CFH: variants seen among roughly 807,000 people sequenced by gnomAD.
CFH encodes complement factor H, also known as H factor 1 (complement).
CFH carries 53 observed loss-of-function variants against 147.3 expected under a neutral mutation model. The ratio of observed to expected loss-of-function variants is 0.36; its 90% CI spans 0.29 to 0.45. The LOEUF is 0.45. CFH is among the 20% of genes least tolerant of loss of function. The probability of loss-of-function intolerance (pLI) is 1.00; values close to 1 mark genes in which losing one functional copy is unlikely to be tolerated. For synonymous variants in CFH, 536 were observed against 489.4 expected, an observed-to-expected ratio of 1.10 and a Z score of -1.26; for missense variants, 1,380 against 1,498.0, an observed-to-expected ratio of 0.92 and a Z score of 1.30.
At chr1:196,690,030 A>C (rs1667968573) in intron 8 of CFH, 33 bp from the exon 9 acceptor site, 1 of 1,563,700 alleles carries the variant, frequency 6.4e-7, no homozygotes, top group African/African-American at 1.4e-5. Flanking sequence ...TTTCTCATTT[A>C]CTTTATTTAT....
rs34594237 is a variant in CFH, at chr1:196,742,020, T to A, written c.3102T>A (p.Asn1034Lys). ...GAGCCAGTAATGTAACATGCATTAA[T>A]AGCAGATGGACAGGAAGGCCAACAT... ...MDGASNVTCI[N>K]SRWTGRPTCR... The change falls in exon 19 of 22, where the codon AAT (asparagine) becomes AAA (lysine). Residue 1034 changes from asparagine (N) to lysine (K), a missense_variant. Physicochemically the swap from Asn to Lys is moderately conservative, Grantham distance 94 (BLOSUM62 0). Coordinates refer to ENST00000367429, the MANE Select transcript of CFH (RefSeq NM_000186.4). The A allele has an allele frequency of 3.1e-6, 5 of 1,614,056 alleles. No homozygotes were observed.
chr1:196,682,770 T>G (rs1165960130), intron 6 of CFH, among the ~76,000 whole-genome samples: 2 of 151,722 alleles, frequency 1.3e-5, no homozygotes, highest in Non-Finnish European at 3.0e-5. Flanking sequence ...AATTTTAAAA[T>G]AGTAAAGCTT....
rs199705026 is a variant in CFH, at chr1:196,690,118, G to T, written c.1215G>T (p.Lys405Asn). 1 of 1,612,726 alleles carries T rather than the reference G, an allele frequency of 6.2e-7. No individual in the cohort carries two copies. Among genetic ancestry groups the T allele is most frequent in the Non-Finnish European group, 8.5e-7 (1 of 1,179,090 alleles). ...ENGYNQNHGR[K>N]FVQGKSIDVA... is the part of the protein sequence containing the mutation. ...GATATAATCAAAATCATGGAAGAAA[G>T]TTTGTACAGGGTAAATCTATAGACG... Residue 405 changes from lysine (K) to asparagine (N), a missense_variant, in exon 9 of 22, where the codon AAG becomes AAT. By Grantham distance (94) the Lys-to-Asn change is moderately conservative. Around this residue, in one of 4 missense-constraint regions of CFH, gnomAD observed 830 missense variants for 821.4 expected, o/e 1.01. Transcript: ENST00000367429.
At chr1:196,688,607 T>C (rs971557335) in intron 7 of CFH, among the ~76,000 whole-genome samples, 10 of 152,238 alleles carry the variant, frequency 6.6e-5, no homozygotes, top group South Asian at 6.2e-4. Context: ...CTAATTTATT[T>C]ATTTACTTAT....
chr1:196,721,753 T>C (rs1466868643), intron 11 of CFH, among the ~76,000 whole-genome samples: 1 of 151,984 alleles, frequency 6.6e-6, no homozygotes, highest in African/African-American at 2.4e-5. Flanking sequence ...TTTGAGTGCA[T>C]ATATATTTAG....
rs183021179 is a variant in CFH, at chr1:196,730,557, T to C, written c.2413+2035T>C. Among the ~76,000 whole-genome samples, 706 of 151,964 alleles carry C rather than the reference T, an allele frequency of 4.6e-3. 4 individuals carry two copies. Among genetic ancestry groups the C allele is most frequent in the African/African-American group, 0.016 (682 of 41,538 alleles). On this transcript the variant is annotated intron_variant, in intron 15 of 21. Coordinates refer to ENST00000367429, the MANE Select transcript of CFH (RefSeq NM_000186.4). ...TTGAGAAGAATATGTGTTTTTTTGT[T>C]ATGTGGAATGTTCTTTATATGTCTG...
At chr1:196,701,408 C>G (rs1486171718) in intron 9 of CFH, 5 of 1,608,600 alleles carry the variant, frequency 3.1e-6, no homozygotes, top group Non-Finnish European at 4.3e-6. Context: ...AAGTTTGAGT[C>G]TTGCCAGGTC....
chr1:196,668,673 C>T (rs888720787), intron 1 of CFH, among the ~76,000 whole-genome samples: 2 of 152,168 alleles, frequency 1.3e-5, no homozygotes, highest in Non-Finnish European at 2.9e-5. Context: ...GCACTTCTCT[C>T]TCCTGCTACC....
intron 9 of CFH, among the ~76,000 whole-genome samples, chr1:196,691,183 T>C (rs1272979049): frequency 6.6e-6 from 1 of 151,962 alleles, no homozygotes; most frequent in African/African-American, 2.4e-5. Flanking sequence ...GAATCAATCA[T>C]TTGACTCAAA....
intron 11 of CFH, among the ~76,000 whole-genome samples, chr1:196,716,357 G>A (rs909298418): frequency 5.3e-5 from 8 of 152,078 alleles, no homozygotes; most frequent in Non-Finnish European, 1.2e-4. Context: ...TTTCAAGGTG[G>A]TAAAGCAGAG....
intron 1 of CFH, among the ~76,000 whole-genome samples, chr1:196,667,712 C>T (rs916068546): frequency 1.3e-5 from 2 of 152,082 alleles, no homozygotes; most frequent in Non-Finnish European, 2.9e-5. Context: ...CAGTTTAAGT[C>T]TAGCATATTG....
chr1:196,728,176 A>G (rs1025768607), intron 14 of CFH, among the ~76,000 whole-genome samples, 170 bp from the exon 15 acceptor site: 10 of 152,162 alleles, frequency 6.6e-5, no homozygotes, highest in Admixed American at 1.3e-4. Flanking sequence ...ATATTTTGAC[A>G]TAATAGCATT....
rs779545162 is a variant in CFH, at chr1:196,713,874, T to A, written c.1476T>A (p.Ile492=). 2.5e-6 allele frequency: 4 copies of A among 1,612,682 alleles called. No homozygotes were observed. The East Asian group carries it at 8.9e-5, about 36-fold the overall frequency. The part of the protein sequence containing the change: ...VTADGETSGS[I]TCGKDGWSAQ... The stretch of plus-strand genomic sequence containing the variant: ...CAGATGGTGAAACATCAGGATCAAT[T>A]ACATGTGGGAAAGATGGATGGTCAG... The change falls in exon 10 of 22, where the codon ATT becomes ATA. Residue 492 remains isoleucine (I), a synonymous_variant. Transcript: ENST00000367429.
intron 7 of CFH, among the ~76,000 whole-genome samples, chr1:196,685,972 C>T (rs542935040): frequency 1.6e-4 from 25 of 152,160 alleles, no homozygotes; most frequent in African/African-American, 5.8e-4. Context: ...GGAAGCATGG[C>T]TGGGAGGCCT....
At chr1:196,689,680 C>T in intron 8 of CFH, 66 bp downstream of exon 8, 2 of 1,539,582 alleles carry the variant, frequency 1.3e-6, no homozygotes, top group African/African-American at 1.4e-5. Flanking sequence ...AAGGAGAGCA[C>T]ATAAGTGATT....
intron 9 of CFH, among the ~76,000 whole-genome samples, chr1:196,699,104 A>G (rs1253473948): frequency 6.6e-6 from 1 of 152,152 alleles, no homozygotes; most frequent in African/African-American, 2.4e-5. Context: ...ATCATACTAA[A>G]TATGTGTTCA....
At chr1:196,742,714 A>C (rs1379327371) in intron 19 of CFH, among the ~76,000 whole-genome samples, 1 of 152,190 alleles carries the variant, frequency 6.6e-6, no homozygotes, top group Non-Finnish European at 1.5e-5. Context: ...TGTTTTACCA[A>C]CACCTCCAGG....
intron 21 of CFH, 55 bp from the exon 22 acceptor site, chr1:196,747,056 C>T: frequency 1.9e-6 from 3 of 1,607,796 alleles, no homozygotes; most frequent in Non-Finnish European, 2.6e-6. Context: ...ACCTGAAAGT[C>T]TATGAAGATT....
At chr1:196,709,161 A>T (rs931717963) in intron 9 of CFH, among the ~76,000 whole-genome samples, 3 of 152,114 alleles carry the variant, frequency 2.0e-5, no homozygotes, top group African/African-American at 7.2e-5. Flanking sequence ...CTCGCTGGAG[A>T]CCATATGTCT....
Sources: allele counts gnomAD v4.1 joint callset (sites outside exome capture counted in the v4.1 genomes callset), GRCh38; gene constraint gnomAD v4.1.1; regional missense constraint gnomAD v4.1.1; transcripts MANE v1.5; gene names NCBI Gene and HGNC (gene_info 2026-07-23, HGNC 2026-07-21).